GRIP1: variants seen among roughly 807,000 people sequenced by gnomAD.
GRIP1 encodes the protein glutamate receptor interacting protein 1, also known as glutamate receptor-interacting protein 1.
Under a neutral mutation model 129.9 loss-of-function variants are expected in GRIP1, and 45 were observed. That is an observed-to-expected ratio of 0.35 (90% confidence interval 0.27 to 0.44). GRIP1 has a LOEUF of 0.44. GRIP1 is among the 20% of genes least tolerant of loss of function. GRIP1 has a pLI of 1.00. For synonymous variants in GRIP1, 530 were observed against 520.8 expected (o/e 1.02, Z -0.24); for missense variants, 1,196 against 1,396.8 (o/e 0.86, Z 2.29).
chr12:67,023,141 T>C (rs892328791), intron 1 of GRIP1, among the ~76,000 whole-genome samples: 1 of 152,230 alleles, frequency 6.6e-6, no homozygotes, highest in African/African-American at 2.4e-5. Flanking sequence ...TGAGAAAGTC[T>C]AATTCATTAA....
At chr12:66,503,315 T>G (rs1277202307) in intron 7 of GRIP1, among the ~76,000 whole-genome samples, 1 of 152,014 alleles carries the variant, frequency 6.6e-6, no homozygotes, top group Admixed American at 6.6e-5. Flanking sequence ...CAGATGGGCA[T>G]GCATACAACT....
chr12:66,905,806 T>C (rs2040921966), intron 1 of GRIP1, among the ~76,000 whole-genome samples: 1 of 152,180 alleles, frequency 6.6e-6, no homozygotes, highest in Non-Finnish European at 1.5e-5. Context: ...TTTCTCAGGT[T>C]TTTAAATGAT....
intron 1 of GRIP1, among the ~76,000 whole-genome samples, chr12:66,799,146 G>C (rs2038786619): frequency 6.6e-6 from 1 of 151,978 alleles, no homozygotes; most frequent in African/African-American, 2.4e-5. Context: ...TAGATTCTAA[G>C]GTCCCTTTCA....
intron 1 of GRIP1, among the ~76,000 whole-genome samples, chr12:66,814,589 T>TAAAAAAAAAAAAAA (rs79461500): frequency 3.7e-5 from 4 of 108,422 alleles, no homozygotes; most frequent in Non-Finnish European, 3.9e-5. Context: ...AGTGATACCA[T>TAAAAAAAAAAAAAA]AAAAAAAAAA....
intron 2 of GRIP1, among the ~76,000 whole-genome samples, chr12:66,577,567 T>C (rs1384541538): frequency 6.6e-6 from 1 of 152,184 alleles, no homozygotes; most frequent in Non-Finnish European, 1.5e-5. Flanking sequence ...AGGCAGGTGA[T>C]GAAAGGAGAC....
intron 3 of GRIP1, among the ~76,000 whole-genome samples, chr12:66,539,557 T>TTTTTTTTTTTTTC (rs1390915263): frequency 6.8e-6 from 1 of 146,706 alleles, no homozygotes; most frequent in Non-Finnish European, 1.5e-5. Context: ...TTTTTTTTTT[T>TTTTTTTTTTTTTC]TTTTTTTTTT....
At chr12:66,932,261 T>C (rs1416101733) in intron 1 of GRIP1, among the ~76,000 whole-genome samples, 1 of 152,182 alleles carries the variant, frequency 6.6e-6, no homozygotes, top group Non-Finnish European at 1.5e-5. Flanking sequence ...ATGATGTTCT[T>C]CCATCCAGGA....
intron 1 of GRIP1, among the ~76,000 whole-genome samples, chr12:66,645,781 T>C (rs1399936624): frequency 1.3e-5 from 2 of 152,162 alleles, no homozygotes; most frequent in Non-Finnish European, 2.9e-5. Flanking sequence ...AATTAAAAAT[T>C]GAACTCAGAG....
intron 1 of GRIP1, among the ~76,000 whole-genome samples, chr12:66,598,133 C>T (rs1162381389): frequency 3.3e-5 from 5 of 152,124 alleles, no homozygotes; most frequent in Non-Finnish European, 7.4e-5. Flanking sequence ...TTATTCAGAA[C>T]AAGGCCTTAT....
rs551115272 is a variant in GRIP1 at position 66,846,723 on chromosome 12, T to C, written c.58+222327A>G. Reference sequence around the variant, plus strand: ...TATCAATTCTACCTCAATAACATTGTAGTTTTTAAAAGACAATTTATTCTA... The same window carrying C: ...TATCAATTCTACCTCAATAACATTGCAGTTTTTAAAAGACAATTTATTCTA... On this transcript the variant is annotated intron_variant, in intron 1 of 1. Transcript: ENST00000643019. Among the ~76,000 whole-genome samples, 7 of 152,318 alleles carry C rather than the reference T, an allele frequency of 4.6e-5. No homozygotes were observed. In the South Asian group the frequency reaches 1.2e-3, roughly 27 times the overall value.
At chr12:66,884,656 C>T (rs2040535176) in intron 1 of GRIP1, among the ~76,000 whole-genome samples, 1 of 152,144 alleles carries the variant, frequency 6.6e-6, no homozygotes, top group South Asian at 2.1e-4. Flanking sequence ...TTGCAAGTTT[C>T]ACATAAAGTT....
At chr12:66,569,614 C>T (rs559397508) in intron 2 of GRIP1, among the ~76,000 whole-genome samples, 69 of 152,298 alleles carry the variant, frequency 4.5e-4, no homozygotes, top group Non-Finnish European at 9.0e-4. Context: ...TGGGCAGGCA[C>T]CAGGGACCAT....
intron 1 of GRIP1, among the ~76,000 whole-genome samples, chr12:66,842,513 G>A (rs1484328242): frequency 6.6e-6 from 1 of 152,052 alleles, no homozygotes; most frequent in East Asian, 1.9e-4. Context: ...TTAACAGTAA[G>A]TATTAACACT....
intron 2 of GRIP1, among the ~76,000 whole-genome samples, chr12:66,573,798 A>G (rs2063045820): frequency 6.6e-6 from 1 of 152,208 alleles, no homozygotes; most frequent in Non-Finnish European, 1.5e-5. Context: ...TGTACAGGGT[A>G]CGGATGTGAA....
At chr12:66,708,214 G>A (rs1207422760) in intron 1 of GRIP1, among the ~76,000 whole-genome samples, 1 of 151,914 alleles carries the variant, frequency 6.6e-6, no homozygotes, top group East Asian at 1.9e-4. Flanking sequence ...TAGGGAGAAT[G>A]GAATGAGGTT....
intron 13 of GRIP1, among the ~76,000 whole-genome samples, chr12:66,443,280 T>C (rs974216782): frequency 3.3e-5 from 5 of 152,234 alleles, no homozygotes; most frequent in Non-Finnish European, 7.3e-5. Context: ...GAATCCCCTT[T>C]GCCCCCCACC....
intron 9 of GRIP1, among the ~76,000 whole-genome samples, chr12:66,457,192 C>T (rs1484491040): frequency 1.3e-5 from 2 of 152,040 alleles, no homozygotes; most frequent in African/African-American, 4.8e-5. Flanking sequence ...GAAATATGAG[C>T]AATATAATGT....
intron 7 of GRIP1, among the ~76,000 whole-genome samples, chr12:66,476,697 T>A (rs1410595646): frequency 6.6e-6 from 1 of 152,166 alleles, no homozygotes; most frequent in Non-Finnish European, 1.5e-5. Context: ...GTGGGCTTCA[T>A]CCCTGGGATG....
At position 66,377,226 on chromosome 12, in the gene GRIP1, G is replaced by A. The variant is rs1362164059; in HGVS notation, c.2681C>T (p.Ala894Val). 4 of 1,613,828 alleles carry A rather than the reference G, an allele frequency of 2.5e-6. No individual in the cohort carries two copies. Among genetic ancestry groups the A allele is most frequent in the African/African-American group, 2.7e-5 (2 of 74,910 alleles). Reference sequence around the variant, plus strand: ...TCCGCAGGTTTCCAAATCCTCCAGCGCTTGAGACCAGAAGTTCTCCTCTTG... The same window carrying A: ...TCCGCAGGTTTCCAAATCCTCCAGCACTTGAGACCAGAAGTTCTCCTCTTG... ...TEQEENFWSQALEDLETCGQS... is the reference protein window; with the variant it reads ...TEQEENFWSQVLEDLETCGQS... Residue 894 changes from alanine (A) to valine (V), a missense_variant, in exon 21 of 25, where the codon GCG becomes GTG. Ala to Val is a moderately conservative substitution (Grantham distance 64). Transcript: ENST00000359742.
Sources: allele counts gnomAD v4.1 joint callset (sites outside exome capture counted in the v4.1 genomes callset), GRCh38; gene constraint gnomAD v4.1.1; transcripts MANE v1.5; gene names NCBI Gene and HGNC (gene_info 2026-07-23, HGNC 2026-07-21).